The following PCDHGA3 variants were observed in gnomAD, a reference collection of about 807,000 sequenced individuals.
PCDHGA3 encodes the protein protocadherin gamma subfamily A, 3.
PCDHGA3 carries 40 observed loss-of-function variants against 58.5 expected under a neutral mutation model. The observed-to-expected ratio is 0.68, with a 90% CI of 0.53 to 0.89. PCDHGA3 has a LOEUF of 0.89. Among genes scored for constraint, PCDHGA3 ranks in the 40% least tolerant of loss-of-function variants. PCDHGA3 has a pLI of 0.00. For missense variants in PCDHGA3, 1,223 were observed against 1,195.9 expected, an observed-to-expected ratio of 1.02 and a Z score of -0.33; for synonymous variants, 530 against 525.7, an observed-to-expected ratio of 1.01 and a Z score of -0.11.
chr5:141,450,758 A>G (rs1007910264), intron 1 of PCDHGA3, among the ~76,000 whole-genome samples: 2 of 151,784 alleles, frequency 1.3e-5, no homozygotes, highest in African/African-American at 4.8e-5. Flanking sequence ...AAGTGCCGGG[A>G]TTACAGGCAT....
chr5:141,408,437 G>A (rs368564960), intron 1 of PCDHGA3: 1 of 1,614,068 alleles, frequency 6.2e-7, no homozygotes, highest in Admixed American at 1.7e-5. Flanking sequence ...CAGCGTAGAC[G>A]CGGAGAGCGG....
At chr5:141,421,300 C>A (rs377161386) in intron 1 of PCDHGA3, 2 of 1,613,320 alleles carry the variant, frequency 1.2e-6, no homozygotes, top group African/African-American at 1.3e-5. Context: ...GGGGACGCTG[C>A]GGGGGTTCCG....
chr5:141,385,048 C>A, intron 1 of PCDHGA3: 1 of 1,614,150 alleles, frequency 6.2e-7, no homozygotes, highest in Non-Finnish European at 8.5e-7. Flanking sequence ...GCTCAGGCTG[C>A]GGCGCTGGCA....
chr5:141,357,297 T>C, intron 1 of PCDHGA3: 5 of 1,614,044 alleles, frequency 3.1e-6, no homozygotes, highest in Non-Finnish European at 4.2e-6. Context: ...CAGTGGCCGC[T>C]GTCTCCTGCG....
rs1035125527 is a variant in PCDHGA3, at chr5:141,485,059, C to T, written c.2425-9748C>T. The T allele has an allele frequency of 7.0e-6, 6 of 858,958 alleles. No homozygotes were observed. The highest frequency in any genetic ancestry group is 2.4e-5 in the East Asian group (1 of 40,854). 53.2% of individuals were successfully genotyped at this position (858,958 alleles called of 1,614,324 possible). A position where few individuals can be genotyped will look rare whatever the true frequency, so the allele number is the denominator to read the frequency against. ...AACCCTTGCGGCGCCGGCCGAACCG[C>T]GCCAGAGCTGGCGCGGGGAAAGGGA... On this transcript the variant is annotated intron_variant, in intron 1 of 3. Coordinates refer to ENST00000253812, the MANE Select transcript of PCDHGA3 (RefSeq NM_018916.4). This position sits in a 1 kb window ranked among gnomAD's most constrained non-coding sequence, Gnocchi z 5.7.
intron 1 of PCDHGA3, chr5:141,405,167 C>T (rs926303279): frequency 7.4e-6 from 12 of 1,614,002 alleles, no homozygotes; most frequent in African/African-American, 1.3e-5. Flanking sequence ...GCCCACCTCA[C>T]ACTTTGTGGG....
chr5:141,498,523 G>A (rs555386753), intron 2 of PCDHGA3, among the ~76,000 whole-genome samples: 1 of 151,580 alleles, frequency 6.6e-6, no homozygotes, highest in Admixed American at 6.6e-5. Context: ...CTTGCCCACT[G>A]CCCTCCAGCC....
intron 1 of PCDHGA3, chr5:141,417,977 G>A (rs752463782): frequency 6.2e-7 from 1 of 1,613,872 alleles, no homozygotes; most frequent in Admixed American, 1.7e-5. Flanking sequence ...GATTCCGGAG[G>A]AGCTGGCCAA....
chr5:141,428,186 C>CCGCTCTCTG, intron 1 of PCDHGA3: 2 of 1,460,956 alleles, frequency 1.4e-6, no homozygotes, highest in Non-Finnish European at 1.9e-6. Flanking sequence ...AGGACAGCCG[C>CCGCTCTCTG]CGCTCTCTGC....
In PCDHGA3 at chr5:141,490,729, C is replaced by G. The variant is rs1365931429; in HGVS notation, c.2425-4078C>G. ...CCTCACCTACTCCATTGTAGGAAAT[C>G]AGGTTCAGGGAGCCCCAGCCTCCTC... On this transcript the variant is annotated intron_variant, in intron 1 of 3. Coordinates refer to ENST00000253812, the MANE Select transcript of PCDHGA3 (RefSeq NM_018916.4). The surrounding 1 kb of genome is among the most constrained non-coding windows in gnomAD (Gnocchi z 5.4). 1 of 1,614,184 alleles carries G rather than the reference C, an allele frequency of 6.2e-7. No homozygotes were observed.
At chr5:141,351,785 G>T in intron 1 of PCDHGA3, 3 of 1,613,436 alleles carry the variant, frequency 1.9e-6, no homozygotes, top group Non-Finnish European at 2.5e-6. Flanking sequence ...GCAGAGCGGG[G>T]TGGTGTTCGC....
At chr5:141,426,788 T>C (rs2096960035) in intron 1 of PCDHGA3, 1 of 456,568 alleles carries the variant, frequency 2.2e-6, no homozygotes, top group African/African-American at 2.0e-5. Context: ...CTCTCCAGAG[T>C]TACCAGCTCA....
chr5:141,432,133 C>G lies in PCDHGA3; in HGVS notation c.2425-62674C>G. ...CGGTCTTCCCTCAGGCCTCCTATTC[C>G]GCTTATATCCCAGAGAACAATCCCA... On this transcript the variant is annotated intron_variant, in intron 1 of 3. Transcript: ENST00000253812. The surrounding 1 kb of genome is among the most constrained non-coding windows in gnomAD (Gnocchi z 6.0). 1 of 1,614,142 alleles carries G rather than the reference C, an allele frequency of 6.2e-7. No homozygotes were observed. The highest frequency in any genetic ancestry group is 1.1e-5 in the South Asian group (1 of 91,070).
At chr5:141,400,802 A>C in intron 1 of PCDHGA3, 1 of 557,534 alleles carries the variant, frequency 1.8e-6, no homozygotes, top group Non-Finnish European at 3.1e-6. Context: ...TCTCAAAGCT[A>C]ATGAATTTTA....
chr5:141,477,565 C>T lies in PCDHGA3; in HGVS notation c.2425-17242C>T, dbSNP rs1168703868. 3.1e-6 allele frequency: 5 copies of T among 1,614,146 alleles called. No homozygotes were observed. The highest frequency in any genetic ancestry group is 4.2e-6 in the Non-Finnish European group (5 of 1,180,030). On this transcript the variant is annotated intron_variant, in intron 1 of 3. Transcript: ENST00000253812. The surrounding 1 kb of genome is among the most constrained non-coding windows in gnomAD (Gnocchi z 4.9). ...CAATACTAAACCTAAGTGTCTGGGA[C>T]CCCGACGCCCCGCAGAATGCTCGGC... is the stretch of plus-strand genomic sequence containing the variant.
intron 1 of PCDHGA3, chr5:141,419,781 G>T: frequency 6.2e-7 from 1 of 1,614,032 alleles, no homozygotes; most frequent in Non-Finnish European, 8.5e-7. Context: ...GTCCGCCAGC[G>T]CCTGCTAGTC....
intron 1 of PCDHGA3, chr5:141,412,431 G>GTTAA (rs1478574285): frequency 6.6e-6 from 1 of 152,132 alleles, no homozygotes; most frequent in African/African-American, 2.4e-5. Context: ...ACACAAAAAG[G>GTTAA]TTAATTAAGG....
chr5:141,489,314 G>T lies in PCDHGA3; in HGVS notation c.2425-5493G>T. ...TGCATGTTGTCCTTGTGCTGCTGGG[G>T]CTGGGTGTCTGGGCAGCTTCGTTAC... On this transcript the variant is annotated intron_variant, in intron 1 of 3. Transcript: ENST00000253812. This position sits in a 1 kb window ranked among gnomAD's most constrained non-coding sequence, Gnocchi z 4.5. 6.3e-7 allele frequency: 1 copy of T among 1,596,908 alleles called. No individual in the cohort carries two copies. The highest frequency in any genetic ancestry group is 8.5e-7 in the Non-Finnish European group (1 of 1,170,694).
chr5:141,389,339 C>G, intron 1 of PCDHGA3: 2 of 1,614,010 alleles, frequency 1.2e-6, no homozygotes, highest in Middle Eastern at 1.6e-4. Flanking sequence ...ACGGCCAAGT[C>G]TCTTACTGCA....
Sources: allele counts gnomAD v4.1 joint callset (sites outside exome capture counted in the v4.1 genomes callset), GRCh38; gene constraint gnomAD v4.1.1; non-coding constraint Gnocchi (gnomAD v3.1); transcripts MANE v1.5; gene names NCBI Gene and HGNC (gene_info 2026-07-23, HGNC 2026-07-21).